The following ZC3H12D variants were observed in gnomAD, a reference collection of about 807,000 sequenced individuals.
The protein encoded by ZC3H12D is probable ribonuclease ZC3H12D.
A neutral mutation model predicts 24.2 loss-of-function variants in ZC3H12D; 11 were observed. The ratio of observed to expected loss-of-function variants is 0.46; its 90% confidence interval spans 0.29 to 0.75. The LOEUF (loss-of-function observed/expected upper bound fraction) is 0.75, where lower values mean the gene tolerates loss of function less well. Ranked by LOEUF, ZC3H12D falls within the 30% of genes least tolerant of loss-of-function variation. The pLI is 0.11. For missense variants in ZC3H12D, 740 were observed against 767.7 expected, an observed-to-expected ratio of 0.96 and a Z score of 0.43; for synonymous variants, 333 against 341.8, an observed-to-expected ratio of 0.97 and a Z score of 0.28.
intron 1 of ZC3H12D, among the ~76,000 whole-genome samples, chr6:149,475,465 C>T (rs1776320481): frequency 6.6e-6 from 1 of 152,172 alleles, no homozygotes; most frequent in Non-Finnish European, 1.5e-5. Flanking sequence ...CGCCTGTAAT[C>T]CCAGCACTCT....
intron 1 of ZC3H12D, among the ~76,000 whole-genome samples, chr6:149,482,529 GC>G (rs1776442815): frequency 6.6e-6 from 1 of 152,200 alleles, no homozygotes; most frequent in African/African-American, 2.4e-5. Flanking sequence ...GTCAGAGCGG[GC>G]TGCTGGGGGT....
chr6:149,463,716 A>G (rs1776111644), intron 2 of ZC3H12D, among the ~76,000 whole-genome samples: 1 of 152,186 alleles, frequency 6.6e-6, no homozygotes, highest in South Asian at 2.1e-4. Flanking sequence ...GGTGACTTGG[A>G]CTAAGCTGAT....
At chr6:149,458,744 C>T (rs1209841979) in intron 3 of ZC3H12D, among the ~76,000 whole-genome samples, 4 of 152,104 alleles carry the variant, frequency 2.6e-5, no homozygotes, top group Admixed American at 6.5e-5. Flanking sequence ...ACAACCTTGC[C>T]GATACTTGGC....
intron 2 of ZC3H12D, among the ~76,000 whole-genome samples, chr6:149,466,876 A>AAAAGTAAAAT (rs1430529362): frequency 1.6e-4 from 23 of 142,974 alleles, no homozygotes; most frequent in African/African-American, 5.7e-4. Context: ...ACTCCATCTC[A>AAAAGTAAAAT]AAAATAAAAT....
intron 1 of ZC3H12D, among the ~76,000 whole-genome samples, chr6:149,475,919 CAAAAA>C (rs200722311): frequency 6.6e-6 from 1 of 151,892 alleles, no homozygotes; most frequent in South Asian, 2.1e-4. Flanking sequence ...CGATATATTT[CAAAAA>C]AAATTTTTTT....
chr6:149,474,877 G>A (rs1381275560), intron 1 of ZC3H12D, among the ~76,000 whole-genome samples: 1 of 152,230 alleles, frequency 6.6e-6, no homozygotes, highest in African/African-American at 2.4e-5. Context: ...CAGGGGCTGA[G>A]CGTGCACCTA....
At chr6:149,470,624 G>A (rs930667468) in intron 2 of ZC3H12D, among the ~76,000 whole-genome samples, 19 of 152,142 alleles carry the variant, frequency 1.2e-4, no homozygotes, top group Admixed American at 1.2e-3. Flanking sequence ...GAGATGAAAA[G>A]GCCTTTTAAG....
At position 149,467,729 on chromosome 6, in the gene ZC3H12D, A is replaced by G. The variant is rs540947738; in HGVS notation, c.306-5759T>C. ...CTCTCTGATCTAGGGGCAGCCCTCA[A>G]AGCCTGACCCCTTAGGCTGCAAAAC... is the stretch of plus-strand genomic sequence containing the variant. On this transcript the variant is annotated intron_variant, in intron 2 of 5. Coordinates refer to ENST00000409806, the MANE Select transcript of ZC3H12D (RefSeq NM_207360.3). 2.0e-5 allele frequency among the ~76,000 whole-genome samples: 3 copies of G among 152,254 alleles called. No individual in the cohort carries two copies. In the East Asian group the frequency reaches 5.8e-4, roughly 29 times the overall value.
chr6:149,463,473 G>A (rs1454301801), intron 2 of ZC3H12D, among the ~76,000 whole-genome samples: 2 of 152,242 alleles, frequency 1.3e-5, no homozygotes, highest in South Asian at 2.1e-4. Context: ...AACTTTGTGA[G>A]GCCGAGGCAG....
chr6:149,456,630 C>CCCCCCCCCCCCCCA lies in ZC3H12D; in HGVS notation c.680+35_680+36insTGGGGGGGGGGGGG. ...CCTCGACCCCGGCCCCCCGCCCCGCCGCCCCCCAGGGTGTCAGGACCCCAG... is the reference window on the plus strand; with the variant it reads ...CCTCGACCCCGGCCCCCCGCCCCGCCCCCCCCCCCCCCCAGCCCCCCAGGGTGTCAGGACCCCAG... On this transcript the variant is annotated intron_variant, in intron 4 of 5. Coordinates refer to ENST00000409806, the MANE Select transcript of ZC3H12D (RefSeq NM_207360.3). The surrounding 1 kb of genome is among the most constrained non-coding windows in gnomAD (Gnocchi z 4.3). 1 of 1,426,540 alleles carries CCCCCCCCCCCCCCA rather than the reference C, an allele frequency of 7.0e-7. No individual in the cohort carries two copies. Among genetic ancestry groups the CCCCCCCCCCCCCCA allele is most frequent in the Admixed American group, 1.7e-5 (1 of 59,284 alleles). 88.4% of individuals were successfully genotyped at this position (1,426,540 alleles called of 1,614,324 possible). A position where few individuals can be genotyped will look rare whatever the true frequency, so the allele number is the denominator to read the frequency against.
At chr6:149,463,056 C>T (rs1468058647) in intron 2 of ZC3H12D, among the ~76,000 whole-genome samples, 1 of 152,202 alleles carries the variant, frequency 6.6e-6, no homozygotes. Flanking sequence ...TTCAGAGAAT[C>T]CTGACTAATA....
chr6:149,478,781 G>C (rs773684952), intron 1 of ZC3H12D, among the ~76,000 whole-genome samples: 19 of 152,032 alleles, frequency 1.2e-4, no homozygotes, highest in Non-Finnish European at 2.1e-4. Flanking sequence ...ACTGTCCTCT[G>C]CCCCACCCAC....
intron 2 of ZC3H12D, among the ~76,000 whole-genome samples, chr6:149,473,663 G>A (rs1776283743): frequency 6.6e-6 from 1 of 152,124 alleles, no homozygotes; most frequent in South Asian, 2.1e-4. Context: ...CAAACTTAAG[G>A]TAGCCGCAAC....
intron 4 of ZC3H12D, among the ~76,000 whole-genome samples, chr6:149,454,122 G>A (rs1775942871): frequency 1.3e-5 from 2 of 152,198 alleles, no homozygotes; most frequent in Admixed American, 1.3e-4. Flanking sequence ...GGGGCACAGG[G>A]TCTGGTCTTA....
chr6:149,463,673 C>T (rs1300545496), intron 2 of ZC3H12D, among the ~76,000 whole-genome samples: 1 of 152,236 alleles, frequency 6.6e-6, no homozygotes, highest in African/African-American at 2.4e-5. Context: ...CGCGCCACTG[C>T]ACTCCAGCTT....
intron 2 of ZC3H12D, among the ~76,000 whole-genome samples, chr6:149,470,234 C>T (rs1345345144): frequency 6.6e-6 from 1 of 152,124 alleles, no homozygotes; most frequent in African/African-American, 2.4e-5. Context: ...TTGGCACACA[C>T]CTGTAGTCCC....
chr6:149,463,724 G>C (rs1380608540), intron 2 of ZC3H12D, among the ~76,000 whole-genome samples: 10 of 152,190 alleles, frequency 6.6e-5, no homozygotes, highest in Non-Finnish European at 1.0e-4. Flanking sequence ...GGACTAAGCT[G>C]ATGGTGGTGG....
At chr6:149,459,561 T>C in intron 3 of ZC3H12D, 1 of 717,120 alleles carries the variant, frequency 1.4e-6, no homozygotes. Flanking sequence ...GGAGCACTTC[T>C]GGTGGTGGAG....
chr6:149,452,666 A>G lies in ZC3H12D; in HGVS notation c.737T>C (p.Leu246Pro). Reference sequence around the variant, plus strand: ...CTCTGGGGGCTTCGGCTTCCTGCTCAGGAAGTTGCTCAGGGAGGGTCCATG... The same window carrying G: ...CTCTGGGGGCTTCGGCTTCCTGCTCGGGAAGTTGCTCAGGGAGGGTCCATG... ...GRHGPSLSNFLSRKPKPPEPS... is the reference protein window; with the variant it reads ...GRHGPSLSNFPSRKPKPPEPS... The change falls in exon 5 of 6, where the codon CTG becomes CCG. Residue 246 changes from leucine to proline, a missense_variant. By Grantham distance (98) the Leu-to-Pro change is moderately conservative (BLOSUM62 -3). Coordinates refer to ENST00000409806, the MANE Select transcript of ZC3H12D (RefSeq NM_207360.3). The surrounding 1 kb of genome is among the most constrained non-coding windows in gnomAD (Gnocchi z 4.0). 1 of 1,608,476 alleles carries G rather than the reference A, an allele frequency of 6.2e-7. No homozygotes were observed. Among genetic ancestry groups the G allele is most frequent in the Admixed American group, 1.7e-5 (1 of 59,178 alleles).
Sources: allele counts gnomAD v4.1 joint callset (sites outside exome capture counted in the v4.1 genomes callset), GRCh38; gene constraint gnomAD v4.1.1; non-coding constraint Gnocchi (gnomAD v3.1); transcripts MANE v1.5; gene names NCBI Gene and HGNC (gene_info 2026-07-23, HGNC 2026-07-21).